Variants in HDAC4 observed in about 807,000 individuals in gnomAD.
The protein encoded by HDAC4 is histone deacetylase A.
A neutral mutation model predicts 135.1 loss-of-function variants in HDAC4; 16 were observed. That is an observed-to-expected ratio of 0.12 (90% CI 0.08 to 0.18). HDAC4 has a LOEUF of 0.18. Among genes scored for constraint, HDAC4 ranks in the 10% least tolerant of loss-of-function variants. The pLI, the probability that HDAC4 is intolerant of heterozygous loss-of-function variation, is 1.00. For synonymous variants in HDAC4, 685 were observed against 653.4 expected (o/e 1.05, Z -0.74); for missense variants, 1,143 against 1,511.8 (o/e 0.76, Z 4.05).
chr2:239,073,618 A>G (rs928602185), intron 22 of HDAC4, among the ~76,000 whole-genome samples: 6 of 152,254 alleles, frequency 3.9e-5, no homozygotes, highest in Admixed American at 6.5e-5. Flanking sequence ...ACATTCTTCC[A>G]TGCATGATTC....
At chr2:239,177,356 C>T (rs923902244) in intron 4 of HDAC4, among the ~76,000 whole-genome samples, 1 of 152,314 alleles carries the variant, frequency 6.6e-6, no homozygotes, top group East Asian at 1.9e-4. Context: ...TCTGATCCTC[C>T]GCTGGCTCAA....
Position 239,349,365 on chromosome 2 carries a change from C to T in HDAC4, c.22+3313G>A, listed in dbSNP as rs907660024. Among the ~76,000 whole-genome samples, 2 of 152,210 alleles carry T rather than the reference C, an allele frequency of 1.3e-5. No homozygotes were observed. Among genetic ancestry groups the T allele is most frequent in the African/African-American group, 4.8e-5 (2 of 41,454 alleles). ...TGCTCTGACACACCTAGAAATTTCC[C>T]GCTCAAGAGAGCAAACTGAATCCTT... On this transcript the variant is annotated intron_variant, in intron 2 of 26. Transcript: ENST00000543185. This position sits in a 1 kb window ranked among gnomAD's most constrained non-coding sequence, Gnocchi z 5.7.
intron 2 of HDAC4, among the ~76,000 whole-genome samples, chr2:239,311,971 C>G: frequency 6.6e-6 from 1 of 152,106 alleles, no homozygotes; most frequent in East Asian, 1.9e-4. Context: ...TCTGTGGTTC[C>G]CTGGGGCCCT....
chr2:239,391,943 G>A (rs2126108399), intron 1 of HDAC4, among the ~76,000 whole-genome samples: 1 of 152,312 alleles, frequency 6.6e-6, no homozygotes, highest in East Asian at 1.9e-4. Flanking sequence ...ACGCTGACAT[G>A]GAAAGACACT....
chr2:239,225,316 G>A (rs1045641686), intron 3 of HDAC4, among the ~76,000 whole-genome samples: 1 of 152,192 alleles, frequency 6.6e-6, no homozygotes, highest in African/African-American at 2.4e-5. Context: ...AAGGAAGAAG[G>A]GCTAAAAATT....
intron 7 of HDAC4, among the ~76,000 whole-genome samples, chr2:239,151,574 G>T (rs1001500543): frequency 3.3e-5 from 5 of 152,208 alleles, no homozygotes; most frequent in Non-Finnish European, 5.9e-5. Context: ...CAAGTGCAGA[G>T]GGAGCCCAGG....
chr2:239,305,631 G>A (rs1306259164), intron 2 of HDAC4: 1 of 152,516 alleles, frequency 6.6e-6, no homozygotes, highest in Non-Finnish European at 1.5e-5. Flanking sequence ...AAAGTTTCTG[G>A]ACTTGTAGGT....
At chr2:239,212,920 T>A (rs1232115423) in intron 3 of HDAC4, among the ~76,000 whole-genome samples, 2 of 152,112 alleles carry the variant, frequency 1.3e-5, no homozygotes, top group Non-Finnish European at 2.9e-5. Flanking sequence ...TCACCAAACA[T>A]TTGGGAAAGA....
At chr2:239,211,017 T>C (rs947416238) in intron 3 of HDAC4, among the ~76,000 whole-genome samples, 2 of 152,196 alleles carry the variant, frequency 1.3e-5, no homozygotes, top group African/African-American at 2.4e-5. Flanking sequence ...AGGTGGATGC[T>C]GGCCTGTCCT....
intron 2 of HDAC4, among the ~76,000 whole-genome samples, chr2:239,271,114 G>GT (rs1354842495): frequency 1.3e-5 from 2 of 152,120 alleles, no homozygotes; most frequent in African/African-American, 2.4e-5. Context: ...GGCTTAGTAT[G>GT]TTTTTTGGTG....
At chr2:239,106,998 G>C (rs1032494342) in intron 15 of HDAC4, among the ~76,000 whole-genome samples, 2 of 151,480 alleles carry the variant, frequency 1.3e-5, no homozygotes, top group Non-Finnish European at 2.9e-5. Flanking sequence ...TGGCATGGGT[G>C]GGGCCTTGTG....
At chr2:239,070,128 C>T (rs2034022060) in intron 22 of HDAC4, among the ~76,000 whole-genome samples, 1 of 152,214 alleles carries the variant, frequency 6.6e-6, no homozygotes, top group Non-Finnish European at 1.5e-5. Context: ...GTGCAGTCAC[C>T]CACTGCCCCT....
Position 239,399,721 on chromosome 2 carries a change from C to G in HDAC4, c.-220+1257G>C, listed in dbSNP as rs142697059. On this transcript the variant is annotated intron_variant, in intron 1 of 26. Transcript: ENST00000543185. The stretch of plus-strand genomic sequence containing the variant: ...AGAGAAAAACGGGGCGGCAAAGTGA[C>G]TGCACAGGCCCTTTCCTCCCTCACG... 3.8e-3 allele frequency among the ~76,000 whole-genome samples: 575 copies of G among 152,310 alleles called. 6 individuals are homozygous for G. Among genetic ancestry groups the G allele is most frequent in the South Asian group, 0.033 (160 of 4,824 alleles).
At chr2:239,148,825 C>T (rs1264244943) in intron 7 of HDAC4, among the ~76,000 whole-genome samples, 3 of 152,214 alleles carry the variant, frequency 2.0e-5, no homozygotes, top group African/African-American at 4.8e-5. Context: ...GGGCCAGAAG[C>T]ACCAGGCGGC....
At chr2:239,355,456 G>T (rs1340963521) in intron 1 of HDAC4, among the ~76,000 whole-genome samples, 1 of 152,134 alleles carries the variant, frequency 6.6e-6, no homozygotes, top group Non-Finnish European at 1.5e-5. Flanking sequence ...ACTAAGCCAT[G>T]AACTCTTTGT....
At chr2:239,283,086 T>C (rs191518988) in intron 2 of HDAC4, among the ~76,000 whole-genome samples, 6 of 152,374 alleles carry the variant, frequency 3.9e-5, no homozygotes, top group African/African-American at 4.8e-5. Flanking sequence ...TGTTCCAGGA[T>C]TCGCTCGCCC....
intron 16 of HDAC4, 74 bp from the exon 17 acceptor site, chr2:239,095,130 T>C: frequency 6.6e-7 from 1 of 1,511,872 alleles, no homozygotes; most frequent in Non-Finnish European, 9.2e-7. Context: ...CTGGGCGCAC[T>C]CCGGGGTCTT....
intron 1 of HDAC4, among the ~76,000 whole-genome samples, chr2:239,398,966 T>C (rs1367559098): frequency 1.3e-5 from 2 of 152,224 alleles, no homozygotes; most frequent in East Asian, 1.9e-4. Context: ...AGGATGGGAT[T>C]TGATCTCTAA....
intron 2 of HDAC4, among the ~76,000 whole-genome samples, chr2:239,244,086 C>T (rs1019017432): frequency 5.3e-5 from 8 of 152,170 alleles, no homozygotes; most frequent in East Asian, 1.9e-4. Context: ...GACTGAGCTG[C>T]GTGAACACCT....
Sources: gnomAD v4.1 joint callset for allele counts (sites outside exome capture counted in the v4.1 genomes callset) on GRCh38, gnomAD v4.1.1 for gene constraint, Gnocchi (gnomAD v3.1) non-coding constraint, MANE v1.5 for transcripts, NCBI Gene and HGNC (gene_info 2026-07-23, HGNC 2026-07-21) for gene names.